The following CFAP61 variants were observed in gnomAD, a reference collection of about 807,000 sequenced individuals.
CFAP61 encodes the protein cilia- and flagella-associated protein 61.
CFAP61 carries 107 observed loss-of-function variants against 135.6 expected under a neutral mutation model. That is an observed-to-expected ratio of 0.79 (90% CI 0.67 to 0.93). The LOEUF (loss-of-function observed/expected upper bound fraction) is 0.93, where lower values mean the gene tolerates loss of function less well. Among genes scored for constraint, CFAP61 ranks in the 40% least tolerant of loss-of-function variants. The pLI, the probability that CFAP61 is intolerant of heterozygous loss-of-function variation, is 0.00. For synonymous variants in CFAP61, 575 were observed against 578.5 expected (o/e 0.99, Z 0.09); for missense variants, 1,507 against 1,556.2 (o/e 0.97, Z 0.53).
chr20:20,227,636 G>T (rs905480213), intron 17 of CFAP61, among the ~76,000 whole-genome samples: 2 of 152,190 alleles, frequency 1.3e-5, no homozygotes, highest in Non-Finnish European at 2.9e-5. Context: ...GTGCTTCTGA[G>T]AGGCCTCCTG....
chr20:20,125,904 T>C (rs1057511004), intron 8 of CFAP61, among the ~76,000 whole-genome samples: 1 of 151,814 alleles, frequency 6.6e-6, no homozygotes, highest in Non-Finnish European at 1.5e-5. Flanking sequence ...CAGTGTTAAG[T>C]GCATATATGT....
intron 9 of CFAP61, among the ~76,000 whole-genome samples, chr20:20,156,731 G>GATTGAAAT (rs2052940563): frequency 1.3e-5 from 2 of 152,112 alleles, no homozygotes; most frequent in Non-Finnish European, 2.9e-5. Context: ...TGAACAATCA[G>GATTGAAAT]ATTGAAATAC....
intron 2 of CFAP61, among the ~76,000 whole-genome samples, chr20:20,067,796 A>G (rs1331971896): frequency 6.9e-6 from 1 of 145,940 alleles, no homozygotes; most frequent in East Asian, 2.0e-4. Flanking sequence ...ATATATACCT[A>G]CCTTCTCCCT....
intron 17 of CFAP61, among the ~76,000 whole-genome samples, chr20:20,201,816 T>A (rs1470759209): frequency 6.6e-6 from 1 of 152,364 alleles, no homozygotes; most frequent in East Asian, 1.9e-4. Context: ...GTGCTGACAC[T>A]TATACTTCAG....
chr20:20,135,157 C>A (rs892882329), intron 8 of CFAP61, among the ~76,000 whole-genome samples: 1 of 152,026 alleles, frequency 6.6e-6, no homozygotes, highest in East Asian at 1.9e-4. Context: ...AATGATGTAA[C>A]GAGCCAAGGA....
In CFAP61 at chr20:20,064,914, G is replaced by C. The variant is rs142379760; in HGVS notation, c.144-5940G>C. ...GAAGGAAGAAAAATAAGGTGGAGAG[G>C]CTTGCCAACTAAAGGTTCATTGTAG... On this transcript the variant is annotated intron_variant, in intron 2 of 26. Coordinates refer to ENST00000245957, the MANE Select transcript of CFAP61 (RefSeq NM_015585.4). Among the ~76,000 whole-genome samples the C allele has an allele frequency of 7.4e-3, 1,123 of 152,226 alleles. 14 individuals are homozygous for C. The highest frequency in any genetic ancestry group is 0.026 in the African/African-American group (1,079 of 41,532).
rs116702121 is a variant in CFAP61, at chr20:20,298,491, C to A, written c.3422+105C>A. ...TGCACCCGAGAGCAAAACGGGAATCCCAGAGAGAGGCTGTGTGGCAGAGAT... is the reference window on the plus strand; with the variant it reads ...TGCACCCGAGAGCAAAACGGGAATCACAGAGAGAGGCTGTGTGGCAGAGAT... On this transcript the variant is annotated intron_variant, in intron 25 of 26. Coordinates refer to ENST00000245957, the MANE Select transcript of CFAP61 (RefSeq NM_015585.4). 2.7e-4 allele frequency: 241 copies of A among 908,942 alleles called. 2 individuals are homozygous for A. In the African/African-American group the frequency reaches 3.5e-3, roughly 13 times the overall value. The allele number at this position is 908,942 out of a possible 1,614,324, so 56.3% of individuals were successfully genotyped here.
chr20:20,074,042 G>A (rs2045896363), intron 3 of CFAP61: 1 of 483,376 alleles, frequency 2.1e-6, no homozygotes, highest in Non-Finnish European at 3.7e-6. Context: ...GAGGGCAGGA[G>A]GAAGGGCGGG....
intron 8 of CFAP61, among the ~76,000 whole-genome samples, chr20:20,118,842 C>T (rs571357228): frequency 5.3e-4 from 80 of 149,692 alleles, no homozygotes; most frequent in Non-Finnish European, 9.1e-4. Context: ...CCCATTTGAT[C>T]TTGGGGAATA....
intron 10 of CFAP61, among the ~76,000 whole-genome samples, chr20:20,159,960 C>A (rs545528150): frequency 6.6e-6 from 1 of 152,300 alleles, no homozygotes; most frequent in African/African-American, 2.4e-5. Context: ...ACTTCACCAT[C>A]CTTTGTTGGT....
At chr20:20,248,370 G>T (rs904042659) in intron 19 of CFAP61, among the ~76,000 whole-genome samples, 4 of 152,188 alleles carry the variant, frequency 2.6e-5, no homozygotes, top group African/African-American at 9.7e-5. Flanking sequence ...AGGTGCAAAT[G>T]ACATTCATAA....
At chr20:20,156,110 A>G (rs745459862) in intron 9 of CFAP61, among the ~76,000 whole-genome samples, 1 of 152,156 alleles carries the variant, frequency 6.6e-6, no homozygotes, top group Non-Finnish European at 1.5e-5. Flanking sequence ...AGAAATCACT[A>G]AGGAACTTTT....
chr20:20,273,352 T>C (rs2053506848), intron 21 of CFAP61, among the ~76,000 whole-genome samples: 1 of 152,184 alleles, frequency 6.6e-6, no homozygotes, highest in South Asian at 2.1e-4. Context: ...GGAAACCTAA[T>C]AACCAGATCT....
intron 26 of CFAP61, among the ~76,000 whole-genome samples, chr20:20,356,575 G>GT (rs1251046720): frequency 1.1e-5 from 1 of 94,706 alleles, no homozygotes. Flanking sequence ...CATAGTGTGA[G>GT]GGGAGGTGGT....
At chr20:20,163,825 A>T (rs1601091652) in intron 10 of CFAP61, among the ~76,000 whole-genome samples, 1 of 138,986 alleles carries the variant, frequency 7.2e-6, no homozygotes, top group Admixed American at 7.6e-5. Flanking sequence ...CCCTGTGTCC[A>T]TGTGTTCTCA....
At chr20:20,343,531 A>T (rs143342951) in intron 26 of CFAP61, among the ~76,000 whole-genome samples, 20 of 152,214 alleles carry the variant, frequency 1.3e-4, no homozygotes, top group African/African-American at 4.8e-4. Context: ...TGCAGGCCAA[A>T]CAGAGCCCTA....
At chr20:20,057,303 A>G (rs1360683063) in intron 2 of CFAP61, among the ~76,000 whole-genome samples, 2 of 152,208 alleles carry the variant, frequency 1.3e-5, no homozygotes, top group East Asian at 1.9e-4. Context: ...TATGCAAATC[A>G]AAAAGGTTTC....
Position 20,169,339 on chromosome 20 carries a change from A to G in CFAP61, c.1264A>G (p.Ile422Val). Reference sequence around the variant, plus strand: ...ATGTTAGGATAAGAACTTCTGTGTAATTTCTCTGCCCCATCTCACCCCCGA... The same window carrying G: ...ATGTTAGGATAAGAACTTCTGTGTAGTTTCTCTGCCCCATCTCACCCCCGA... ...SLFSDKNFCV[I>V]SLPHLTPEFF... Residue 422 changes from isoleucine to valine, a missense_variant, in exon 13 of 27, where the codon ATT becomes GTT. Ile to Val is a conservative substitution (Grantham distance 29). Transcript: ENST00000245957. The G allele has an allele frequency of 2.5e-6, 4 of 1,613,056 alleles. No homozygotes were observed. Among genetic ancestry groups the G allele is most frequent in the Non-Finnish European group, 3.4e-6 (4 of 1,179,680 alleles).
intron 26 of CFAP61, among the ~76,000 whole-genome samples, chr20:20,350,611 A>G (rs1296561600): frequency 6.6e-6 from 1 of 152,246 alleles, no homozygotes; most frequent in Non-Finnish European, 1.5e-5. Flanking sequence ...CCTGGGTGAC[A>G]GAACAAGACT....
Sources: gnomAD v4.1 joint callset for allele counts (sites outside exome capture counted in the v4.1 genomes callset) on GRCh38, gnomAD v4.1.1 for gene constraint, MANE v1.5 for transcripts, NCBI Gene and HGNC (gene_info 2026-07-23, HGNC 2026-07-21) for gene names.